Variants in PUS7 observed in about 807,000 individuals in gnomAD.
PUS7 encodes the protein pseudouridylate synthase 7 homolog.
PUS7 carries 48 observed loss-of-function variants against 79.8 expected under a neutral mutation model. The ratio of observed to expected loss-of-function variants is 0.60; its 90% CI spans 0.48 to 0.76. PUS7 has a LOEUF of 0.76. Ranked by LOEUF, PUS7 falls within the 30% of genes least tolerant of loss-of-function variation. PUS7 has a pLI of 0.00. For missense variants in PUS7, 729 were observed against 797.6 expected (o/e 0.91, Z 1.04); for synonymous variants, 286 against 272.2 (o/e 1.05, Z -0.50).
rs964375609 is a variant in PUS7, at chr7:105,470,582, T to C, written c.1398+106A>G. On this transcript the variant is annotated intron_variant, in intron 11 of 15. Coordinates refer to ENST00000469408, the MANE Select transcript of PUS7 (RefSeq NM_019042.5). ...CACCTCAGAGATCACCAAAGGATCC[T>C]TATTTACCTTCTGCTCTTTCAAAGT... is the stretch of plus-strand genomic sequence containing the variant. The C allele has an allele frequency of 6.1e-6, 8 of 1,311,774 alleles. No homozygotes were observed. The Admixed American group carries it at 9.6e-5, about 16-fold the overall frequency. 81.3% of individuals were successfully genotyped at this position (1,311,774 alleles called of 1,614,324 possible). A position where few individuals can be genotyped will look rare whatever the true frequency, so the allele number is the denominator to read the frequency against.
intron 1 of PUS7, among the ~76,000 whole-genome samples, chr7:105,514,072 A>G (rs1825800847): frequency 7.4e-6 from 1 of 135,782 alleles, no homozygotes; most frequent in Admixed American, 7.7e-5. Context: ...CTACTAAAAA[A>G]TACAAAAAAT....
At chr7:105,475,248 C>A (rs756192303) in intron 9 of PUS7, among the ~76,000 whole-genome samples, 2 of 152,062 alleles carry the variant, frequency 1.3e-5, no homozygotes, top group Non-Finnish European at 1.5e-5. Context: ...TGCAGTGGCA[C>A]GATCTCGGCT....
chr7:105,520,301 T>C (rs1362663442), intron 1 of PUS7, among the ~76,000 whole-genome samples: 1 of 148,670 alleles, frequency 6.7e-6, no homozygotes, highest in Non-Finnish European at 1.5e-5. Context: ...CTACTAAAAA[T>C]ATAAAAAATT....
chr7:105,485,668 G>T (rs1459536501), intron 7 of PUS7, among the ~76,000 whole-genome samples: 1 of 152,146 alleles, frequency 6.6e-6, no homozygotes, highest in African/African-American at 2.4e-5. Context: ...ATTATTTTTT[G>T]AATCAACCAT....
In PUS7 at chr7:105,509,284, A is replaced by G. The variant is rs150193723; in HGVS notation, c.-32-740T>C. Among the ~76,000 whole-genome samples the G allele has an allele frequency of 3.2e-3, 486 of 151,972 alleles. 5 individuals are homozygous for G. Among genetic ancestry groups the G allele is most frequent in the African/African-American group, 0.011 (467 of 41,452 alleles). ...TACGATCCTAAAAATCATTTATAGAAATAATTCTTCCAGATGTTGGCATAC... is the reference window on the plus strand; with the variant it reads ...TACGATCCTAAAAATCATTTATAGAGATAATTCTTCCAGATGTTGGCATAC... On this transcript the variant is annotated intron_variant, in intron 1 of 15. Coordinates refer to ENST00000469408, the MANE Select transcript of PUS7 (RefSeq NM_019042.5).
chr7:105,501,229 C>T (rs1562812544), intron 5 of PUS7, among the ~76,000 whole-genome samples: 1 of 152,134 alleles, frequency 6.6e-6, no homozygotes, highest in Admixed American at 6.5e-5. Flanking sequence ...TGACAGAGCC[C>T]TAATAAATAA....
intron 7 of PUS7, among the ~76,000 whole-genome samples, chr7:105,485,157 A>G (rs1280070721): frequency 6.6e-6 from 1 of 151,684 alleles, no homozygotes. Flanking sequence ...ACCTGGTCAG[A>G]GATTCTTTTT....
At chr7:105,465,108 C>T (rs1199528508) in intron 13 of PUS7, among the ~76,000 whole-genome samples, 2 of 152,194 alleles carry the variant, frequency 1.3e-5, no homozygotes. Flanking sequence ...TAGGCGTGAG[C>T]CACCGTGCCT....
At chr7:105,466,959 T>C (rs1027996040) in intron 12 of PUS7, among the ~76,000 whole-genome samples, 3 of 149,954 alleles carry the variant, frequency 2.0e-5, no homozygotes, top group African/African-American at 7.4e-5. Context: ...ATTCAGCTAA[T>C]AGATGGTAGC....
At chr7:105,519,310 C>T (rs1374556211) in intron 1 of PUS7, among the ~76,000 whole-genome samples, 4 of 151,648 alleles carry the variant, frequency 2.6e-5, no homozygotes, top group Admixed American at 6.6e-5. Context: ...CTCGGCTCAC[C>T]GCAATCTCCA....
At chr7:105,461,578 A>G (rs1172028209) in intron 14 of PUS7, among the ~76,000 whole-genome samples, 8 of 152,210 alleles carry the variant, frequency 5.3e-5, no homozygotes, top group Non-Finnish European at 4.4e-5. Flanking sequence ...AGTGGTAACA[A>G]TAGTAGTAAT....
At chr7:105,513,325 A>G (rs890268385) in intron 1 of PUS7, among the ~76,000 whole-genome samples, 3 of 152,136 alleles carry the variant, frequency 2.0e-5, no homozygotes, top group African/African-American at 7.2e-5. Context: ...CAGTCAGCAA[A>G]ATATTCACCT....
Position 105,478,630 on chromosome 7 carries a change from C to G in PUS7, c.1175+2422G>C, listed in dbSNP as rs540013741. The stretch of plus-strand genomic sequence containing the variant: ...TTATTTAAAGAAAGGTCTGTTCAGA[C>G]CCTTTGCTAAGTTTTAGAATGCGTT... On this transcript the variant is annotated intron_variant, in intron 9 of 15. Transcript: ENST00000469408. Among the ~76,000 whole-genome samples the G allele has an allele frequency of 5.9e-5, 9 of 152,284 alleles. No homozygotes were observed. In the South Asian group the frequency reaches 1.9e-3, roughly 32 times the overall value.
intron 9 of PUS7, 67 bp from the exon 10 acceptor site, chr7:105,472,260 TTG>T: frequency 4.2e-6 from 4 of 958,140 alleles, no homozygotes. Flanking sequence ...GCACAAATCT[TTG>T]AAGAGTCAAC....
At chr7:105,462,380 C>A in intron 14 of PUS7, 1 of 399,656 alleles carries the variant, frequency 2.5e-6, no homozygotes, top group Non-Finnish European at 4.4e-6. Context: ...TGCAGTGAGC[C>A]GAGATCATGC....
chr7:105,490,983 G>C (rs1562804764), intron 7 of PUS7, among the ~76,000 whole-genome samples: 2 of 152,234 alleles, frequency 1.3e-5, no homozygotes, highest in African/African-American at 4.8e-5. Context: ...ATCCAGCCCC[G>C]AAGGGCAACA....
chr7:105,504,574 C>G (rs763104362), intron 4 of PUS7, among the ~76,000 whole-genome samples: 1 of 152,210 alleles, frequency 6.6e-6, no homozygotes, highest in Non-Finnish European at 1.5e-5. Context: ...AATGAGGAAG[C>G]TTGCCCATAG....
chr7:105,497,463 G>A (rs541361866), intron 5 of PUS7, among the ~76,000 whole-genome samples: 4 of 152,254 alleles, frequency 2.6e-5, no homozygotes, highest in Non-Finnish European at 5.9e-5. Context: ...TTTGAAAAAT[G>A]TTAAATATTA....
At chr7:105,508,746 G>A (rs535895509) in intron 1 of PUS7, among the ~76,000 whole-genome samples, 2 of 151,294 alleles carry the variant, frequency 1.3e-5, no homozygotes, top group African/African-American at 4.9e-5. Context: ...GGTGGCAGGC[G>A]CCTATAGTCC....
Sources: allele counts gnomAD v4.1 joint callset (sites outside exome capture counted in the v4.1 genomes callset), GRCh38; gene constraint gnomAD v4.1.1; transcripts MANE v1.5; gene names NCBI Gene and HGNC (gene_info 2026-07-23, HGNC 2026-07-21).